Variants in APBB1IP observed in about 807,000 individuals in gnomAD.
APBB1IP encodes amyloid beta A4 precursor protein-binding family B member 1-interacting protein.
APBB1IP carries 27 observed loss-of-function variants against 64.9 expected under a neutral mutation model. The observed-to-expected ratio is 0.42, with a 90% CI of 0.31 to 0.57. APBB1IP has a LOEUF of 0.57. Among genes scored for constraint, APBB1IP ranks in the 20% least tolerant of loss-of-function variants. The pLI, the probability that APBB1IP is intolerant of heterozygous loss-of-function variation, is 0.20. For synonymous variants in APBB1IP, 392 were observed against 331.0 expected (o/e 1.18, Z -2.00); for missense variants, 812 against 845.5 (o/e 0.96, Z 0.49).
intron 11 of APBB1IP, among the ~76,000 whole-genome samples, chr10:26,559,896 G>A (rs75379265): frequency 1.3e-5 from 2 of 151,602 alleles, no homozygotes; most frequent in African/African-American, 2.4e-5. Context: ...TGCTCGCCTC[G>A]GCCTCCCAAC....
chr10:26,444,061 G>A (rs186330780), intron 2 of APBB1IP, among the ~76,000 whole-genome samples: 8 of 152,202 alleles, frequency 5.3e-5, no homozygotes, highest in Non-Finnish European at 1.2e-4. Context: ...TATGCGATAA[G>A]GTGGTCAGGC....
intron 6 of APBB1IP, among the ~76,000 whole-genome samples, chr10:26,505,361 C>T (rs547631256): frequency 6.6e-6 from 1 of 152,296 alleles, no homozygotes; most frequent in African/African-American, 2.4e-5. Flanking sequence ...CCCCTGTTTT[C>T]TGCAAGTGAT....
chr10:26,446,966 T>C (rs1193907250), intron 2 of APBB1IP, among the ~76,000 whole-genome samples: 3 of 152,154 alleles, frequency 2.0e-5, no homozygotes, highest in African/African-American at 7.2e-5. Flanking sequence ...AAAAATACAT[T>C]ACAGTGCAGA....
At chr10:26,538,653 A>G (rs1372220955) in intron 10 of APBB1IP, among the ~76,000 whole-genome samples, 2 of 151,902 alleles carry the variant, frequency 1.3e-5, no homozygotes, top group Non-Finnish European at 2.9e-5. Context: ...AAAAAAAAAA[A>G]AAAAGTAGAA....
At position 26,567,536 on chromosome 10, in the gene APBB1IP, A is replaced by G; in HGVS notation, c.*48A>G. 6.6e-7 allele frequency: 1 copy of G among 1,517,382 alleles called. No homozygotes were observed. Among genetic ancestry groups the G allele is most frequent in the South Asian group, 1.1e-5 (1 of 89,424 alleles). The allele number at this position is 1,517,382 out of a possible 1,614,324, so 94.0% of individuals were successfully genotyped here. A position where few individuals can be genotyped will look rare whatever the true frequency, so the allele number is the denominator to read the frequency against. On this transcript the variant is annotated 3_prime_UTR_variant, in exon 15 of 15. Coordinates refer to ENST00000376236, the MANE Select transcript of APBB1IP (RefSeq NM_019043.4). ...AGAGGGAGAAGCATCGCTGACCCCGAGCGCAGGTTTTGCTAGCAGATTGCC... is the reference window on the plus strand; with the variant it reads ...AGAGGGAGAAGCATCGCTGACCCCGGGCGCAGGTTTTGCTAGCAGATTGCC...
chr10:26,488,360 C>G (rs1835917842), intron 2 of APBB1IP, among the ~76,000 whole-genome samples: 1 of 152,064 alleles, frequency 6.6e-6, no homozygotes, highest in East Asian at 1.9e-4. Context: ...CTCAGCCTCC[C>G]AAGTATGTGG....
At chr10:26,481,850 T>TGC (rs1455958533) in intron 2 of APBB1IP, among the ~76,000 whole-genome samples, 1 of 151,938 alleles carries the variant, frequency 6.6e-6, no homozygotes, top group Non-Finnish European at 1.5e-5. Context: ...TGTGTGTGTG[T>TGC]GTGTGTGTGT....
chr10:26,535,959 T>G (rs554157149), intron 9 of APBB1IP, 115 bp from the exon 10 acceptor site: 3 of 1,080,432 alleles, frequency 2.8e-6, no homozygotes, highest in Admixed American at 5.1e-5. Flanking sequence ...TCGATCAGAG[T>G]TGTACACAAA....
intron 2 of APBB1IP, among the ~76,000 whole-genome samples, chr10:26,446,636 T>C (rs1835401515): frequency 6.6e-6 from 1 of 152,182 alleles, no homozygotes; most frequent in South Asian, 2.1e-4. Context: ...ATTGGAACTT[T>C]TTTTCCAGTT....
rs11015142 is a variant in APBB1IP at position 26,510,736 on chromosome 10, A to T, written c.532-1011A>T. ...AGGCAACAGAGCAAGACCCTGTCTC[A>T]CACACACACACACACACACACACAC... On this transcript the variant is annotated intron_variant, in intron 6 of 14. Coordinates refer to ENST00000376236, the MANE Select transcript of APBB1IP (RefSeq NM_019043.4). Among the ~76,000 whole-genome samples the T allele has an allele frequency of 4.4e-3, 432 of 98,446 alleles. 2 individuals carry two copies. The East Asian group carries it at 0.046, about 11-fold the overall frequency. 64.6% of individuals were successfully genotyped at this position (98,446 alleles called of 152,430 possible).
chr10:26,533,594 C>T, intron 9 of APBB1IP, 69 bp downstream of exon 9: 6 of 1,031,026 alleles, frequency 5.8e-6, no homozygotes, highest in Non-Finnish European at 8.2e-6. Context: ...CATTTGCTTC[C>T]GAGAACAATG....
At position 26,537,512 on chromosome 10, in the gene APBB1IP, C is replaced by A. The variant is rs75639847; in HGVS notation, c.1044+1295C>A. Among the ~76,000 whole-genome samples the A allele has an allele frequency of 7.7e-3, 1,173 of 152,326 alleles. 20 individuals carry two copies. The highest frequency in any genetic ancestry group is 0.027 in the African/African-American group (1,103 of 41,572). ...TCTGCCATCTCATTCCAGTCCCACA[C>A]TGGGCACCTCACAACTGACCCACAA... On this transcript the variant is annotated intron_variant, in intron 10 of 14. Coordinates refer to ENST00000376236, the MANE Select transcript of APBB1IP (RefSeq NM_019043.4).
intron 11 of APBB1IP, among the ~76,000 whole-genome samples, chr10:26,546,568 A>T (rs966623187): frequency 2.6e-5 from 4 of 152,168 alleles, no homozygotes; most frequent in African/African-American, 9.7e-5. Flanking sequence ...TAGCTGTTTG[A>T]AATATACAAT....
intron 2 of APBB1IP, among the ~76,000 whole-genome samples, chr10:26,456,737 TAA>T (rs9299824): frequency 0.17 from 15,584 of 90,562 alleles, 1,317 homozygotes; most frequent in Middle Eastern, 0.27. Flanking sequence ...AGAACCTGTC[TAA>T]AAAAAAAAAA....
At chr10:26,458,141 A>G (rs998991076) in intron 2 of APBB1IP, among the ~76,000 whole-genome samples, 1 of 152,190 alleles carries the variant, frequency 6.6e-6, no homozygotes, top group Non-Finnish European at 1.5e-5. Context: ...TAATCTCCGC[A>G]CTTTGGGAGG....
At chr10:26,556,814 C>A (rs1346925999) in intron 11 of APBB1IP, among the ~76,000 whole-genome samples, 1 of 152,132 alleles carries the variant, frequency 6.6e-6, no homozygotes, top group African/African-American at 2.4e-5. Context: ...GGAATAGCTG[C>A]TTTCTAAGAA....
intron 11 of APBB1IP, 63 bp downstream of exon 11, chr10:26,541,755 A>G (rs753789151): frequency 3.7e-5 from 47 of 1,259,182 alleles, no homozygotes; most frequent in Admixed American, 7.6e-5. Context: ...TTTTTCAAGG[A>G]AGAAAATGTT....
intron 2 of APBB1IP, among the ~76,000 whole-genome samples, chr10:26,475,076 A>ACTCT (rs1835759743): frequency 7.2e-6 from 1 of 139,354 alleles, no homozygotes; most frequent in Admixed American, 7.0e-5. Context: ...TTTCTGTTTG[A>ACTCT]CTCTCGCTGA....
intron 2 of APBB1IP, 23 bp downstream of exon 2, chr10:26,438,876 G>T (rs939169236): frequency 6.6e-6 from 1 of 152,166 alleles, no homozygotes; most frequent in Non-Finnish European, 1.5e-5. Context: ...CCCAGTCCCG[G>T]GAGCCCTGGG....
Sources: allele counts gnomAD v4.1 joint callset (sites outside exome capture counted in the v4.1 genomes callset), GRCh38; gene constraint gnomAD v4.1.1; transcripts MANE v1.5; gene names NCBI Gene and HGNC (gene_info 2026-07-23, HGNC 2026-07-21).